PRDM6: variants seen among roughly 807,000 people sequenced by gnomAD.
PRDM6 encodes the protein PR/SET domain 6.
Under a neutral mutation model 60.8 loss-of-function variants are expected in PRDM6, and 25 were observed. That is an observed-to-expected ratio of 0.41 (90% confidence interval 0.30 to 0.57). PRDM6 has a LOEUF of 0.57. Ranked by LOEUF, PRDM6 falls within the 20% of genes least tolerant of loss-of-function variation. PRDM6 has a pLI of 0.27. For missense variants in PRDM6, 839 were observed against 821.3 expected (o/e 1.02, Z -0.26); for synonymous variants, 407 against 357.4 (o/e 1.14, Z -1.57).
intron 7 of PRDM6, among the ~76,000 whole-genome samples, chr5:123,185,477 G>A (rs776047167): frequency 4.6e-5 from 7 of 152,092 alleles, no homozygotes; most frequent in Non-Finnish European, 7.3e-5. Flanking sequence ...AGCTGCCCAC[G>A]GACGTTAATG....
At chr5:123,181,038 A>G in intron 7 of PRDM6, among the ~76,000 whole-genome samples, 1 of 152,212 alleles carries the variant, frequency 6.6e-6, no homozygotes, top group East Asian at 1.9e-4. Context: ...ACTTATCCAA[A>G]TGGTGGACAT....
At chr5:123,174,467 G>GAGA (rs1466631470) in intron 6 of PRDM6, among the ~76,000 whole-genome samples, 2 of 152,230 alleles carry the variant, frequency 1.3e-5, no homozygotes, top group Non-Finnish European at 2.9e-5. Flanking sequence ...GGACACAGGA[G>GAGA]AGAAAGTCAG....
chr5:123,162,079 CCTTTGG>C (rs1765645594), intron 5 of PRDM6, among the ~76,000 whole-genome samples: 1 of 152,178 alleles, frequency 6.6e-6, no homozygotes, highest in Non-Finnish European at 1.5e-5. Flanking sequence ...GACTTTGAGG[CCTTTGG>C]CCTGAGGAGC....
intron 3 of PRDM6, among the ~76,000 whole-genome samples, chr5:123,108,430 A>G (rs1040789336): frequency 6.6e-6 from 1 of 152,200 alleles, no homozygotes; most frequent in Non-Finnish European, 1.5e-5. Flanking sequence ...TGTATACTTC[A>G]AAATGGTAGA....
At position 123,191,279 on chromosome 5, in the gene PRDM6, A is replaced by G. The variant is rs1255375763; in HGVS notation, c.*4078A>G. On this transcript the variant is annotated 3_prime_UTR_variant, in exon 8 of 8. Coordinates refer to ENST00000407847, the MANE Select transcript of PRDM6 (RefSeq NM_001136239.4). ...TGCACTAATTTAAAATTTAAAATGC[A>G]AGTATCTATTGAGTTGTTTAAAATG... 6.6e-6 allele frequency: 1 copy of G among 152,186 alleles called. No individual in the cohort carries two copies. The highest frequency in any genetic ancestry group is 1.5e-5 in the Non-Finnish European group (1 of 68,040). The allele number at this position is 152,186 out of a possible 1,614,324, so 9.4% of individuals were successfully genotyped here. A position where few individuals can be genotyped will look rare whatever the true frequency, so the allele number is the denominator to read the frequency against.
chr5:123,136,382 G>C (rs382718), intron 3 of PRDM6, among the ~76,000 whole-genome samples: 110,049 of 151,958 alleles, frequency 0.72, 40,006 homozygotes, highest in Non-Finnish European at 0.75. Context: ...TGAGATATGG[G>C]ACGTTATTCA....
In PRDM6 at chr5:123,191,768, G is replaced by C. The variant is rs538217105; in HGVS notation, c.*4567G>C. 185 of 152,164 alleles carry C rather than the reference G, an allele frequency of 1.2e-3. No homozygotes were observed. The highest frequency in any genetic ancestry group is 4.1e-3 in the African/African-American group (170 of 41,496). The allele number at this position is 152,164 out of a possible 1,614,324, so 9.4% of individuals were successfully genotyped here. A position where few individuals can be genotyped will look rare whatever the true frequency, so the allele number is the denominator to read the frequency against. On this transcript the variant is annotated 3_prime_UTR_variant, in exon 8 of 8. Coordinates refer to ENST00000407847, the MANE Select transcript of PRDM6 (RefSeq NM_001136239.4). The stretch of plus-strand genomic sequence containing the variant: ...AACAACAACGCAGGTTACTAGGAAG[G>C]CACCTATTTCAGCCCTCCCCAAGAT...
chr5:123,138,834 T>G (rs1765031633), intron 3 of PRDM6, among the ~76,000 whole-genome samples: 1 of 152,190 alleles, frequency 6.6e-6, no homozygotes, highest in African/African-American at 2.4e-5. Flanking sequence ...TTCCTTAGCC[T>G]TGTTAAGCAC....
intron 3 of PRDM6, among the ~76,000 whole-genome samples, chr5:123,123,037 G>C (rs1246866165): frequency 1.3e-5 from 2 of 151,594 alleles, no homozygotes; most frequent in African/African-American, 4.8e-5. Flanking sequence ...CTATTTTATT[G>C]GTATAAATTT....
Position 123,090,503 on chromosome 5 carries a change from C to T in PRDM6, c.489C>T (p.Ala163=), listed in dbSNP as rs1375903127. The change falls in exon 2 of 8, where the codon GCC becomes GCT. Residue 163 remains alanine, a synonymous_variant. Coordinates refer to ENST00000407847, the MANE Select transcript of PRDM6 (RefSeq NM_001136239.4). ...GCGGCGGCGGGGAGGGTCGCGGCGC[C>T]CCGCGCTTCCGCTGCAGCGCAGAGG... ...GGGGGGEGRG[A]PRFRCSAEEL... 1.3e-6 allele frequency: 2 copies of T among 1,490,072 alleles called. No homozygotes were observed. Among genetic ancestry groups the T allele is most frequent in the African/African-American group, 1.5e-5 (1 of 68,480 alleles). 92.3% of individuals were successfully genotyped at this position (1,490,072 alleles called of 1,614,324 possible). A position where few individuals can be genotyped will look rare whatever the true frequency, so the allele number is the denominator to read the frequency against.
At chr5:123,120,923 G>T (rs1356747232) in intron 3 of PRDM6, among the ~76,000 whole-genome samples, 1 of 152,258 alleles carries the variant, frequency 6.6e-6, no homozygotes, top group East Asian at 1.9e-4. Context: ...CAGAGTTATT[G>T]GCAGAAATGA....
intron 7 of PRDM6, 79 bp downstream of exon 7, chr5:123,180,402 C>A: frequency 7.2e-7 from 1 of 1,388,678 alleles, no homozygotes; most frequent in Non-Finnish European, 9.6e-7. Context: ...CACAGTGCTG[C>A]CTGGCTTAGC....
intron 5 of PRDM6, among the ~76,000 whole-genome samples, chr5:123,161,882 G>A (rs945696118): frequency 9.2e-5 from 14 of 152,232 alleles, no homozygotes; most frequent in Non-Finnish European, 2.1e-4. Flanking sequence ...AGACTGGACA[G>A]GGGGAAGAGC....
At chr5:123,097,624 G>A (rs1763986579) in intron 2 of PRDM6, among the ~76,000 whole-genome samples, 1 of 151,820 alleles carries the variant, frequency 6.6e-6, no homozygotes, top group Admixed American at 6.6e-5. Flanking sequence ...ATGTCTTGAA[G>A]TTTTTATTTT....
intron 3 of PRDM6, among the ~76,000 whole-genome samples, chr5:123,135,313 A>G (rs564436878): frequency 6.6e-6 from 1 of 152,334 alleles, no homozygotes; most frequent in South Asian, 2.1e-4. Context: ...ACTCAGACAC[A>G]AGTAGTGGAA....
At chr5:123,149,203 T>TTA (rs1272779076) in intron 3 of PRDM6, among the ~76,000 whole-genome samples, 4 of 152,156 alleles carry the variant, frequency 2.6e-5, no homozygotes, top group African/African-American at 7.2e-5. Flanking sequence ...ACCAGAAAGG[T>TTA]TAGTAGGCCA....
intron 3 of PRDM6, among the ~76,000 whole-genome samples, chr5:123,145,949 T>A (rs749722040): frequency 1.3e-5 from 2 of 152,106 alleles, no homozygotes; most frequent in African/African-American, 2.4e-5. Context: ...GGACAAACAT[T>A]CTGTGTCTTT....
chr5:123,150,093 C>T (rs1232314279), intron 3 of PRDM6, among the ~76,000 whole-genome samples: 4 of 152,172 alleles, frequency 2.6e-5, no homozygotes, highest in Non-Finnish European at 5.9e-5. Flanking sequence ...GTTCTTTGAG[C>T]TCTTACTAGA....
intron 5 of PRDM6, among the ~76,000 whole-genome samples, chr5:123,162,764 G>A (rs1267751154): frequency 1.3e-5 from 2 of 152,198 alleles, no homozygotes; most frequent in Non-Finnish European, 2.9e-5. Flanking sequence ...GGCCACCCAA[G>A]AAACCAGCAG....
Sources: allele counts gnomAD v4.1 joint callset (sites outside exome capture counted in the v4.1 genomes callset), GRCh38; gene constraint gnomAD v4.1.1; transcripts MANE v1.5; gene names NCBI Gene and HGNC (gene_info 2026-07-23, HGNC 2026-07-21).